The following PLPPR1 variants were observed in gnomAD, a reference collection of about 807,000 sequenced individuals.
PLPPR1 encodes the protein phospholipid phosphatase-related protein type 1.
A neutral mutation model predicts 33.1 loss-of-function variants in PLPPR1; 10 were observed. That is an observed-to-expected ratio of 0.30 (90% CI 0.19 to 0.51). The LOEUF (loss-of-function observed/expected upper bound fraction) is 0.51, where lower values mean the gene tolerates loss of function less well. PLPPR1 is among the 20% of genes least tolerant of loss of function. The probability of loss-of-function intolerance (pLI) is 0.97; values close to 1 mark genes in which losing one functional copy is unlikely to be tolerated. For synonymous variants in PLPPR1, 151 were observed against 151.0 expected, an observed-to-expected ratio of 1.00 and a Z score of 0.00; for missense variants, 304 against 408.1, an observed-to-expected ratio of 0.74 and a Z score of 2.20.
At chr9:101,269,031 C>T (rs1828047664) in intron 2 of PLPPR1, among the ~76,000 whole-genome samples, 1 of 152,130 alleles carries the variant, frequency 6.6e-6, no homozygotes, top group African/African-American at 2.4e-5. Context: ...TTCTATCTAC[C>T]TTTATTCACC....
intron 2 of PLPPR1, among the ~76,000 whole-genome samples, chr9:101,241,199 T>A (rs1341766): frequency 0.072 from 10,896 of 152,108 alleles, 480 homozygotes; most frequent in South Asian, 0.22. Flanking sequence ...GAGGCAGCAG[T>A]ACTGGGCAAG....
rs377214511 is a variant in PLPPR1 at position 101,107,901 on chromosome 9, G to T, written c.-45-77549G>T. On this transcript the variant is annotated intron_variant, in intron 1 of 7. Coordinates refer to ENST00000374874, the MANE Select transcript of PLPPR1 (RefSeq NM_207299.2). ...AAAAGCACAATATTCGGGTGGGAGT[G>T]ACCCGATTTTCCAGGTGCGTTCGTC... Among the ~76,000 whole-genome samples, 32 of 151,414 alleles carry T rather than the reference G, an allele frequency of 2.1e-4. 1 individual carries two copies. Among genetic ancestry groups the T allele is most frequent in the African/African-American group, 6.4e-4 (26 of 40,902 alleles).
At chr9:101,275,446 G>A (rs572763304) in intron 3 of PLPPR1, among the ~76,000 whole-genome samples, 22 of 152,204 alleles carry the variant, frequency 1.4e-4, no homozygotes, top group African/African-American at 5.3e-4. Context: ...GGGATAAATC[G>A]CAAAAGGCCA....
Position 101,170,502 on chromosome 9 carries a change from G to A in PLPPR1, c.-45-14948G>A, listed in dbSNP as rs1265002130. Reference sequence around the variant, plus strand: ...TCCCACTGGGTCCCTCCCATGACACGTGAGATTGTGGGAGCTATAATTCAA... The same window carrying A: ...TCCCACTGGGTCCCTCCCATGACACATGAGATTGTGGGAGCTATAATTCAA... On this transcript the variant is annotated intron_variant, in intron 1 of 7. Coordinates refer to ENST00000374874, the MANE Select transcript of PLPPR1 (RefSeq NM_207299.2). 6.6e-5 allele frequency among the ~76,000 whole-genome samples: 10 copies of A among 152,272 alleles called. No individual in the cohort carries two copies. In the East Asian group the frequency reaches 1.2e-3, roughly 18 times the overall value.
At chr9:101,124,450 G>A (rs944350271) in intron 1 of PLPPR1, among the ~76,000 whole-genome samples, 12 of 152,076 alleles carry the variant, frequency 7.9e-5, no homozygotes, top group South Asian at 2.1e-4. Context: ...CTTCCTGTGC[G>A]GTTTTCTTGA....
At chr9:101,285,390 T>C (rs1322623669) in intron 3 of PLPPR1, among the ~76,000 whole-genome samples, 1 of 152,138 alleles carries the variant, frequency 6.6e-6, no homozygotes, top group Non-Finnish European at 1.5e-5. Context: ...ATGCCTATAA[T>C]AAAGAAGGGC....
chr9:101,262,217 C>G (rs1827912171), intron 2 of PLPPR1, among the ~76,000 whole-genome samples: 1 of 152,190 alleles, frequency 6.6e-6, no homozygotes, highest in South Asian at 2.1e-4. Flanking sequence ...TCATGATAAT[C>G]TGAAGCATTA....
chr9:101,198,461 C>T (rs2118742522), intron 2 of PLPPR1, among the ~76,000 whole-genome samples: 1 of 152,288 alleles, frequency 6.6e-6, no homozygotes, highest in South Asian at 2.1e-4. Context: ...TAATCAATGA[C>T]AAATTTCATA....
At chr9:101,156,285 C>T (rs954958304) in intron 1 of PLPPR1, among the ~76,000 whole-genome samples, 2 of 152,038 alleles carry the variant, frequency 1.3e-5, no homozygotes, top group South Asian at 2.1e-4. Context: ...CATGGTGGCT[C>T]ACACCTGTAA....
Position 101,028,950 on chromosome 9 carries a change from C to T in PLPPR1, c.-198C>T. 6.5e-6 allele frequency: 1 copy of T among 153,082 alleles called. No individual in the cohort carries two copies. The highest frequency in any genetic ancestry group is 2.4e-5 in the African/African-American group (1 of 41,586). The allele number at this position is 153,082 out of a possible 1,614,324, so 9.5% of individuals were successfully genotyped here. On this transcript the variant is annotated 5_prime_UTR_variant, in exon 1 of 8. It adds an upstream start codon to the 5' untranslated region. Coordinates refer to ENST00000374874, the MANE Select transcript of PLPPR1 (RefSeq NM_207299.2). The stretch of plus-strand genomic sequence containing the variant: ...ACTCGCACAAACACACACTCGTACA[C>T]GCCCGCGCCGCTCGCTCGCCGGCTT...
rs10649646 is a variant in PLPPR1, at chr9:101,324,391, G to GAAGTA, written c.*336_*337insGTAAA. On this transcript the variant is annotated 3_prime_UTR_variant, in exon 8 of 8. Coordinates refer to ENST00000374874, the MANE Select transcript of PLPPR1 (RefSeq NM_207299.2). ...TTCTTTTCTCAGTTTTATAAACACA[G>GAAGTA]AATATAACAATTCACTTTAAACTTT... 83,121 of 214,228 alleles carry GAAGTA rather than the reference G, an allele frequency of 0.39. 17,971 individuals are homozygous for GAAGTA. Among genetic ancestry groups the GAAGTA allele is most frequent in the African/African-American group, 0.62 (27,245 of 43,668 alleles). The allele number at this position is 214,228 out of a possible 1,614,324, so 13.3% of individuals were successfully genotyped here. A position where few individuals can be genotyped will look rare whatever the true frequency, so the allele number is the denominator to read the frequency against.
At chr9:101,046,709 C>G (rs1445674145) in intron 1 of PLPPR1, among the ~76,000 whole-genome samples, 1 of 152,094 alleles carries the variant, frequency 6.6e-6, no homozygotes, top group African/African-American at 2.4e-5. Context: ...TCCCAAAGTG[C>G]TGGGATTACA....
chr9:101,074,598 C>T (rs1262347369), intron 1 of PLPPR1, among the ~76,000 whole-genome samples: 2 of 151,926 alleles, frequency 1.3e-5, no homozygotes, highest in South Asian at 2.1e-4. Context: ...TCCAACTATC[C>T]TTTCTCTAAC....
intron 1 of PLPPR1, among the ~76,000 whole-genome samples, chr9:101,141,866 C>T (rs538907270): frequency 1.6e-4 from 25 of 152,236 alleles, no homozygotes; most frequent in African/African-American, 5.8e-4. Context: ...TTCCCCACCC[C>T]AGATCAACCC....
At chr9:101,229,077 A>T (rs1257166766) in intron 2 of PLPPR1, among the ~76,000 whole-genome samples, 2 of 152,130 alleles carry the variant, frequency 1.3e-5, no homozygotes, top group African/African-American at 4.8e-5. Flanking sequence ...AGAATAAAAA[A>T]GTTGTTAGGT....
intron 2 of PLPPR1, among the ~76,000 whole-genome samples, chr9:101,231,095 T>C (rs1316058066): frequency 1.3e-5 from 2 of 151,938 alleles, no homozygotes; most frequent in Non-Finnish European, 2.9e-5. Context: ...AAGTGAATTG[T>C]CCAAGCTTAC....
intron 1 of PLPPR1, among the ~76,000 whole-genome samples, chr9:101,180,094 TTA>T (rs71507977): frequency 0.017 from 1,049 of 61,288 alleles, 6 homozygotes; most frequent in Middle Eastern, 0.058. Context: ...AAACTCTCCT[TTA>T]TATATATATA....
intron 1 of PLPPR1, among the ~76,000 whole-genome samples, chr9:101,051,925 T>G (rs1830228141): frequency 6.6e-6 from 1 of 152,230 alleles, no homozygotes; most frequent in Non-Finnish European, 1.5e-5. Context: ...CTATACATAT[T>G]CTTTCATAAC....
chr9:101,266,485 G>GC (rs1403325869), intron 2 of PLPPR1, among the ~76,000 whole-genome samples: 2 of 152,026 alleles, frequency 1.3e-5, no homozygotes, highest in Non-Finnish European at 2.9e-5. Flanking sequence ...CGGGGGAAGA[G>GC]CCAAGGCAAG....
Sources: allele counts gnomAD v4.1 joint callset (sites outside exome capture counted in the v4.1 genomes callset), GRCh38; gene constraint gnomAD v4.1.1; transcripts MANE v1.5; gene names NCBI Gene and HGNC (gene_info 2026-07-23, HGNC 2026-07-21).